Variants in LOC128462377 observed in about 807,000 individuals in gnomAD.
chr16:89,335,256 C>T, the LOC128462377 span, among the ~76,000 whole-genome samples: 1 of 152,164 alleles, frequency 6.6e-6, no homozygotes, highest in African/African-American at 2.4e-5. Flanking sequence ...CCTCACACCA[C>T]CCCTGTTCCC....
At chr16:89,354,793 G>A in the LOC128462377 span, among the ~76,000 whole-genome samples, 1 of 152,176 alleles carries the variant, frequency 6.6e-6, no homozygotes, top group Non-Finnish European at 1.5e-5. Flanking sequence ...GGCTGAGGCA[G>A]GAGAAATCGC....
At chr16:89,349,080 A>G in the LOC128462377 span, among the ~76,000 whole-genome samples, 3 of 133,160 alleles carry the variant, frequency 2.3e-5, no homozygotes, top group African/African-American at 8.3e-5. Flanking sequence ...GTGAGTCTAG[A>G]TGGCACCACT....
chr16:89,341,928 A>T, the LOC128462377 span, among the ~76,000 whole-genome samples: 1 of 149,192 alleles, frequency 6.7e-6, no homozygotes, highest in Admixed American at 6.7e-5. Context: ...CCACGGCGGG[A>T]GTGCTGCACC....
the LOC128462377 span, among the ~76,000 whole-genome samples, chr16:89,330,404 G>C: frequency 6.6e-6 from 1 of 152,172 alleles, no homozygotes; most frequent in East Asian, 1.9e-4. Context: ...GTGGCCGCTC[G>C]CACACCGGGA....
At chr16:89,320,382 T>C in the LOC128462377 span, 2 of 152,226 alleles carry the variant, frequency 1.3e-5, no homozygotes, top group African/African-American at 4.8e-5. Flanking sequence ...AAGTCTATTT[T>C]AAACTCACGA....
the LOC128462377 span, among the ~76,000 whole-genome samples, chr16:89,352,306 C>A: frequency 6.6e-6 from 1 of 151,876 alleles, no homozygotes; most frequent in Non-Finnish European, 1.5e-5. Flanking sequence ...TCACGCCACG[C>A]GGTGCAGAGC....
At chr16:89,408,568 C>T in the LOC128462377 span, among the ~76,000 whole-genome samples, 1 of 152,164 alleles carries the variant, frequency 6.6e-6, no homozygotes, top group Non-Finnish European at 1.5e-5. Flanking sequence ...GGCTGACGAG[C>T]GTGAGCACTG....
At chr16:89,402,435 A>T in the LOC128462377 span, among the ~76,000 whole-genome samples, 1 of 152,050 alleles carries the variant, frequency 6.6e-6, no homozygotes, top group Non-Finnish European at 1.5e-5. Flanking sequence ...TACCTAACAC[A>T]TGAGGAAGCC....
the LOC128462377 span, among the ~76,000 whole-genome samples, chr16:89,398,265 G>C: frequency 1.0e-2 from 387 of 38,824 alleles, 5 homozygotes; most frequent in Middle Eastern, 0.042. Context: ...TGTGAAACAG[G>C]TGAAGATTAC....
the LOC128462377 span, among the ~76,000 whole-genome samples, chr16:89,326,035 A>G: frequency 4.6e-5 from 7 of 152,346 alleles, no homozygotes; most frequent in African/African-American, 1.2e-4. Flanking sequence ...AAGGAGACAC[A>G]CAGCTCTGTG....
the LOC128462377 span, among the ~76,000 whole-genome samples, chr16:89,383,139 A>G: frequency 5.3e-5 from 8 of 152,368 alleles, no homozygotes; most frequent in Middle Eastern, 3.4e-3. Context: ...GCGGACCCAC[A>G]GCCTAAGGCC....
At chr16:89,381,675 C>T in the LOC128462377 span, among the ~76,000 whole-genome samples, 3 of 152,306 alleles carry the variant, frequency 2.0e-5, no homozygotes, top group African/African-American at 7.2e-5. Flanking sequence ...AACCCACCTT[C>T]AGAACTCTCA....
At chr16:89,402,053 C>T in the LOC128462377 span, among the ~76,000 whole-genome samples, 7 of 149,924 alleles carry the variant, frequency 4.7e-5, no homozygotes, top group African/African-American at 1.7e-4. Flanking sequence ...GGTGATTTAT[C>T]ACGGCAGCCC....
chr16:89,360,600 T>C, the LOC128462377 span: 19 of 152,336 alleles, frequency 1.2e-4, no homozygotes, highest in Non-Finnish European at 7.3e-5. Flanking sequence ...AAGTCGGGAA[T>C]GACAGCATTC....
At chr16:89,368,599 C>T in the LOC128462377 span, among the ~76,000 whole-genome samples, 6 of 147,720 alleles carry the variant, frequency 4.1e-5, no homozygotes, top group South Asian at 2.1e-4. Flanking sequence ...AATAAAAACA[C>T]GCAGCTCTTA....
At chr16:89,368,608 T>TA in the LOC128462377 span, among the ~76,000 whole-genome samples, 1,311 of 131,636 alleles carry the variant, frequency 1.0e-2, 15 homozygotes, top group African/African-American at 0.025. Flanking sequence ...ACGCAGCTCT[T>TA]AAAAAAAAAA....
At chr16:89,371,055 G>C in the LOC128462377 span, among the ~76,000 whole-genome samples, 1 of 152,186 alleles carries the variant, frequency 6.6e-6, no homozygotes. Context: ...TCATGACGAA[G>C]GGGACTTGTT....
the LOC128462377 span, among the ~76,000 whole-genome samples, chr16:89,363,170 T>TA: frequency 9.5e-4 from 144 of 152,078 alleles, no homozygotes; most frequent in African/African-American, 2.3e-3. Flanking sequence ...CTATCCCTGT[T>TA]AAAAAAAATA....
the LOC128462377 span, among the ~76,000 whole-genome samples, chr16:89,355,844 C>T: frequency 0.018 from 2,734 of 152,258 alleles, 73 homozygotes; most frequent in African/African-American, 0.062. Context: ...GTGCGCAGCC[C>T]AATGGAAAGG....
Sources: allele counts gnomAD v4.1 joint callset (sites outside exome capture counted in the v4.1 genomes callset), GRCh38; gene constraint gnomAD v4.1.1; transcripts MANE v1.5.